The following BRINP1 variants were observed in gnomAD, a reference collection of about 807,000 sequenced individuals.
BRINP1 encodes the protein BMP/retinoic acid inducible neural specific 1.
BRINP1 carries 17 observed loss-of-function variants against 72.9 expected under a neutral mutation model. The observed-to-expected ratio is 0.23, with a 90% confidence interval of 0.16 to 0.35. The LOEUF is 0.35. Ranked by LOEUF, BRINP1 falls within the 10% of genes least tolerant of loss-of-function variation. The probability of loss-of-function intolerance (pLI) is 1.00; values close to 1 mark genes in which losing one functional copy is unlikely to be tolerated. For synonymous variants in BRINP1, 418 were observed against 378.5 expected (o/e 1.10, Z -1.21); for missense variants, 850 against 1,001.6 (o/e 0.85, Z 2.04).
At chr9:119,261,292 G>C (rs1447824579) in intron 2 of BRINP1, among the ~76,000 whole-genome samples, 1 of 152,168 alleles carries the variant, frequency 6.6e-6, no homozygotes, top group Non-Finnish European at 1.5e-5. Context: ...TGGAACATTA[G>C]CAATTGTCTT....
At chr9:119,258,278 T>C (rs777271317) in intron 2 of BRINP1, among the ~76,000 whole-genome samples, 16 of 151,982 alleles carry the variant, frequency 1.1e-4, no homozygotes, top group Non-Finnish European at 1.8e-4. Flanking sequence ...TCATTGCACA[T>C]AAACTTGAGA....
At chr9:119,246,073 A>G (rs181299707) in intron 3 of BRINP1, among the ~76,000 whole-genome samples, 18 of 152,316 alleles carry the variant, frequency 1.2e-4, no homozygotes, top group African/African-American at 4.1e-4. Flanking sequence ...CTTTCAATAG[A>G]TGATTTTATT....
At chr9:119,224,382 T>C (rs989893732) in intron 5 of BRINP1, among the ~76,000 whole-genome samples, 2 of 152,024 alleles carry the variant, frequency 1.3e-5, no homozygotes, top group Admixed American at 6.6e-5. Flanking sequence ...AATCTGCAAA[T>C]ATGCCCAAAC....
chr9:119,326,515 G>T (rs1180566818), intron 1 of BRINP1, among the ~76,000 whole-genome samples: 1 of 152,112 alleles, frequency 6.6e-6, no homozygotes, highest in Non-Finnish European at 1.5e-5. Flanking sequence ...ATAAACCTAA[G>T]TTATGTATAG....
intron 2 of BRINP1, among the ~76,000 whole-genome samples, chr9:119,310,242 C>G (rs1038119878): frequency 6.6e-6 from 1 of 152,160 alleles, no homozygotes; most frequent in African/African-American, 2.4e-5. Flanking sequence ...CCCGAGTTCC[C>G]TGACTCCGAG....
chr9:119,184,006 G>GACTT (rs759708553), intron 7 of BRINP1, among the ~76,000 whole-genome samples: 7 of 151,958 alleles, frequency 4.6e-5, no homozygotes, highest in Non-Finnish European at 8.8e-5. Context: ...GAAATTATAA[G>GACTT]ACTTATGTCT....
At chr9:119,175,521 A>T (rs941795407) in intron 7 of BRINP1, among the ~76,000 whole-genome samples, 13 of 151,342 alleles carry the variant, frequency 8.6e-5, no homozygotes, top group Admixed American at 2.0e-4. Context: ...AGAGTATAAT[A>T]AAAAAAAGGG....
chr9:119,249,662 G>T (rs1830357577), intron 2 of BRINP1, among the ~76,000 whole-genome samples: 1 of 152,012 alleles, frequency 6.6e-6, no homozygotes, highest in Non-Finnish European at 1.5e-5. Flanking sequence ...TCTTCTAGTT[G>T]TCTGTCCATC....
intron 6 of BRINP1, among the ~76,000 whole-genome samples, chr9:119,213,009 G>A (rs575164154): frequency 6.6e-6 from 1 of 151,040 alleles, no homozygotes; most frequent in African/African-American, 2.5e-5. Context: ...CACATTTCCA[G>A]TTTTTACAAC....
At chr9:119,330,338 C>T (rs1831287400) in intron 1 of BRINP1, among the ~76,000 whole-genome samples, 1 of 152,194 alleles carries the variant, frequency 6.6e-6, no homozygotes, top group Admixed American at 6.5e-5. Flanking sequence ...TCCACTCCCC[C>T]ATGCTCTTCC....
chr9:119,188,192 T>C (rs1829644909), intron 7 of BRINP1, among the ~76,000 whole-genome samples: 1 of 151,992 alleles, frequency 6.6e-6, no homozygotes, highest in South Asian at 2.1e-4. Flanking sequence ...GGAAGAGACA[T>C]GAACATCCAG....
intron 7 of BRINP1, among the ~76,000 whole-genome samples, chr9:119,172,510 G>A (rs1450132228): frequency 6.6e-6 from 1 of 151,634 alleles, no homozygotes; most frequent in Non-Finnish European, 1.5e-5. Flanking sequence ...ACCAAAAAGA[G>A]TCCAGGACCA....
intron 2 of BRINP1, among the ~76,000 whole-genome samples, chr9:119,292,426 A>G (rs917359514): frequency 6.6e-6 from 1 of 152,220 alleles, no homozygotes; most frequent in Admixed American, 6.5e-5. Flanking sequence ...AACACCATAC[A>G]ATTAGCACCT....
At chr9:119,262,506 C>T (rs892623351) in intron 2 of BRINP1, among the ~76,000 whole-genome samples, 3 of 151,860 alleles carry the variant, frequency 2.0e-5, no homozygotes, top group African/African-American at 2.4e-5. Flanking sequence ...AATTGCCGGG[C>T]GCGGTGGTGG....
chr9:119,313,773 G>GA (rs1317690380), intron 1 of BRINP1, among the ~76,000 whole-genome samples: 1 of 152,080 alleles, frequency 6.6e-6, no homozygotes, highest in Non-Finnish European at 1.5e-5. Context: ...AAGATGTGTT[G>GA]AAAAAATGAA....
chr9:119,320,442 A>G (rs1465089948), intron 1 of BRINP1, among the ~76,000 whole-genome samples: 1 of 152,212 alleles, frequency 6.6e-6, no homozygotes, highest in Non-Finnish European at 1.5e-5. Context: ...AATAGTGGAC[A>G]GAACAGCCAG....
At chr9:119,206,958 CACAAA>C (rs1212880520) in intron 7 of BRINP1, among the ~76,000 whole-genome samples, 1 of 152,094 alleles carries the variant, frequency 6.6e-6, no homozygotes, top group Non-Finnish European at 1.5e-5. Context: ...CTATTTGATC[CACAAA>C]ACAATATAAT....
At chr9:119,244,655 C>T (rs1202160325) in intron 3 of BRINP1, among the ~76,000 whole-genome samples, 1 of 152,172 alleles carries the variant, frequency 6.6e-6, no homozygotes, top group Non-Finnish European at 1.5e-5. Context: ...AAGCCCGGTT[C>T]CCTCTGGACT....
At chr9:119,218,476 C>T (rs1457580181) in intron 5 of BRINP1, among the ~76,000 whole-genome samples, 2 of 151,934 alleles carry the variant, frequency 1.3e-5, no homozygotes, top group Non-Finnish European at 2.9e-5. Context: ...AACACTTCCT[C>T]CTGCAAGGAG....
Sources: gnomAD v4.1 joint callset for allele counts (sites outside exome capture counted in the v4.1 genomes callset) on GRCh38, gnomAD v4.1.1 for gene constraint, MANE v1.5 for transcripts, NCBI Gene and HGNC (gene_info 2026-07-23, HGNC 2026-07-21) for gene names.